Variants in FSTL5 observed in about 807,000 individuals in gnomAD.
FSTL5 encodes follistatin like 5.
Under a neutral mutation model 89.1 loss-of-function variants are expected in FSTL5, and 62 were observed. The observed-to-expected ratio is 0.70, with a 90% confidence interval of 0.57 to 0.86. The LOEUF (loss-of-function observed/expected upper bound fraction) is 0.86. Among genes scored for constraint, FSTL5 ranks in the 40% least tolerant of loss-of-function variants. The pLI, the probability that FSTL5 is intolerant of heterozygous loss-of-function variation, is 0.00. For missense variants in FSTL5, 1,057 were observed against 1,001.6 expected (o/e 1.06, Z -0.75); for synonymous variants, 383 against 346.2 (o/e 1.11, Z -1.18).
intron 15 of FSTL5, among the ~76,000 whole-genome samples, chr4:161,415,750 C>CA (rs1731754936): frequency 7.1e-6 from 1 of 139,862 alleles, no homozygotes; most frequent in Non-Finnish European, 1.5e-5. Context: ...GATATATATA[C>CA]ACATATATAT....
rs1732282226 is a variant in FSTL5, at chr4:161,872,128, G to GTTTTTTTGTTTGTTTTTTTTTTTTTTTTT, written c.409+48275_409+48276insAAAAAAAAAAAAAAAAACAAACAAAAAAA. Among the ~76,000 whole-genome samples the GTTTTTTTGTTTGTTTTTTTTTTTTTTTTT allele has an allele frequency of 7.8e-5, 5 of 64,152 alleles. 1 individual carries two copies. The highest frequency in any genetic ancestry group is 1.3e-4 in the African/African-American group (3 of 23,648). The allele number at this position is 64,152 out of a possible 152,430, so 42.1% of individuals were successfully genotyped here. A position where few individuals can be genotyped will look rare whatever the true frequency, so the allele number is the denominator to read the frequency against. ...CACATCTGGCTAGGCTTTGTAGTTTGTTTTTTTTTTTGGTTTTTTTTTTTT... is the reference window on the plus strand; with the variant it reads ...CACATCTGGCTAGGCTTTGTAGTTTGTTTTTTTGTTTGTTTTTTTTTTTTTTTTTTTTTTTTTTTTGGTTTTTTTTTTTT... On this transcript the variant is annotated intron_variant, in intron 4 of 15. Coordinates refer to ENST00000306100, the MANE Select transcript of FSTL5 (RefSeq NM_020116.5).
chr4:161,961,886 AG>A (rs1265342297), intron 3 of FSTL5, among the ~76,000 whole-genome samples: 1 of 151,692 alleles, frequency 6.6e-6, no homozygotes, highest in African/African-American at 2.4e-5. Flanking sequence ...ACAAACAATT[AG>A]AAAGAAGATA....
intron 15 of FSTL5, among the ~76,000 whole-genome samples, chr4:161,411,781 A>G (rs761827487): frequency 1.3e-5 from 2 of 152,200 alleles, no homozygotes; most frequent in Non-Finnish European, 2.9e-5. Context: ...GGAAGAAGAC[A>G]AGAATGCCCA....
chr4:161,835,999 G>A (rs1731026139), intron 4 of FSTL5, among the ~76,000 whole-genome samples: 1 of 152,044 alleles, frequency 6.6e-6, no homozygotes, highest in South Asian at 2.1e-4. Flanking sequence ...AAAGACACAT[G>A]CACACATATG....
intron 1 of FSTL5, among the ~76,000 whole-genome samples, chr4:162,132,215 G>A (rs548850421): frequency 6.6e-6 from 1 of 152,268 alleles, no homozygotes; most frequent in Non-Finnish European, 1.5e-5. Flanking sequence ...GGGGCAGGCA[G>A]AATTGTTATC....
At chr4:161,852,475 AGTG>A (rs1466929432) in intron 4 of FSTL5, among the ~76,000 whole-genome samples, 9 of 152,312 alleles carry the variant, frequency 5.9e-5, no homozygotes, top group African/African-American at 1.7e-4. Context: ...ATTCTGGTGA[AGTG>A]GTGGAGACTA....
At chr4:161,545,568 A>G (rs929134197) in intron 8 of FSTL5, among the ~76,000 whole-genome samples, 1 of 151,994 alleles carries the variant, frequency 6.6e-6, no homozygotes, top group Non-Finnish European at 1.5e-5. Context: ...ACATGCCAAT[A>G]TCAGGGAATC....
intron 15 of FSTL5, among the ~76,000 whole-genome samples, chr4:161,411,078 A>C (rs1318725050): frequency 5.3e-5 from 8 of 152,220 alleles, no homozygotes; most frequent in African/African-American, 1.9e-4. Context: ...CTATGCACAG[A>C]AATTCTAGAA....
chr4:161,753,984 G>C (rs1220323844), intron 6 of FSTL5, among the ~76,000 whole-genome samples: 2 of 142,752 alleles, frequency 1.4e-5, no homozygotes, highest in Non-Finnish European at 3.0e-5. Flanking sequence ...GGAGCTTGCA[G>C]TGAGCCGAGA....
At chr4:161,661,329 C>A (rs1009047550) in intron 6 of FSTL5, among the ~76,000 whole-genome samples, 1 of 152,000 alleles carries the variant, frequency 6.6e-6, no homozygotes, top group Admixed American at 6.6e-5. Context: ...TCTTATTATC[C>A]TCATCATGCC....
At position 161,943,538 on chromosome 4, in the gene FSTL5, C is replaced by CTTTTTTTT. The variant is rs77101651; in HGVS notation, c.161-22894_161-22887dup. 4.9e-4 allele frequency among the ~76,000 whole-genome samples: 17 copies of CTTTTTTTT among 34,366 alleles called. 3 individuals carry two copies. Among genetic ancestry groups the CTTTTTTTT allele is most frequent in the South Asian group, 1.3e-3 (1 of 744 alleles). 22.5% of individuals were successfully genotyped at this position (34,366 alleles called of 152,430 possible). On this transcript the variant is annotated intron_variant, in intron 3 of 15. Transcript: ENST00000306100. ...GACTTTTACATCAGAACCACTGTAT[C>CTTTTTTTT]TTTTTTTTTTTTTTTTTTTTTTTTT...
intron 6 of FSTL5, among the ~76,000 whole-genome samples, chr4:161,718,293 T>G (rs542754010): frequency 2.6e-5 from 4 of 152,318 alleles, no homozygotes; most frequent in African/African-American, 9.6e-5. Flanking sequence ...TAATTTTGCT[T>G]AATGATTTTT....
chr4:161,519,872 T>C (rs1056206550), intron 10 of FSTL5, among the ~76,000 whole-genome samples: 2 of 152,100 alleles, frequency 1.3e-5, no homozygotes, highest in Admixed American at 6.5e-5. Flanking sequence ...CTTCCCCATT[T>C]AGAAAATATA....
chr4:162,051,659 T>A (rs1425516554), intron 2 of FSTL5, among the ~76,000 whole-genome samples: 1 of 151,562 alleles, frequency 6.6e-6, no homozygotes, highest in Non-Finnish European at 1.5e-5. Flanking sequence ...CATTCAGTAA[T>A]ATTAGAATAA....
At chr4:161,794,176 T>C (rs1254233217) in intron 4 of FSTL5, among the ~76,000 whole-genome samples, 1 of 152,178 alleles carries the variant, frequency 6.6e-6, no homozygotes, top group East Asian at 1.9e-4. Flanking sequence ...CTGGGCTGCA[T>C]TCCCAGCAAT....
At chr4:161,909,274 T>C (rs1055585286) in intron 4 of FSTL5, among the ~76,000 whole-genome samples, 4 of 152,116 alleles carry the variant, frequency 2.6e-5, no homozygotes, top group Non-Finnish European at 5.9e-5. Flanking sequence ...GGACATAACA[T>C]AATAATACTG....
At chr4:161,552,381 TA>T (rs1321089286) in intron 8 of FSTL5, 39 of 151,910 alleles carry the variant, frequency 2.6e-4, no homozygotes, top group African/African-American at 9.2e-4. Flanking sequence ...TGAGACAGCC[TA>T]AATCTGAGAA....
chr4:161,755,286 A>C (rs2126785781), intron 6 of FSTL5, among the ~76,000 whole-genome samples: 1 of 152,224 alleles, frequency 6.6e-6, no homozygotes, highest in Non-Finnish European at 1.5e-5. Context: ...TAAAATATTA[A>C]AATAACTTAT....
intron 12 of FSTL5, among the ~76,000 whole-genome samples, chr4:161,488,342 T>C (rs1214433428): frequency 6.6e-6 from 1 of 152,092 alleles, no homozygotes; most frequent in Admixed American, 6.5e-5. Flanking sequence ...CACTGTTAGG[T>C]AGCATGGTTT....
Sources: gnomAD v4.1 joint callset for allele counts (sites outside exome capture counted in the v4.1 genomes callset) on GRCh38, gnomAD v4.1.1 for gene constraint, MANE v1.5 for transcripts, NCBI Gene and HGNC (gene_info 2026-07-23, HGNC 2026-07-21) for gene names.